The following CADM2 variants were observed in gnomAD, a reference collection of about 807,000 sequenced individuals.
The protein encoded by CADM2 is immunoglobulin superfamily member 4D.
Under a neutral mutation model 49.8 loss-of-function variants are expected in CADM2, and 12 were observed. The observed-to-expected ratio is 0.24, with a 90% CI of 0.15 to 0.39. CADM2 has a LOEUF of 0.39. CADM2 is among the 10% of genes least tolerant of loss of function. CADM2 has a pLI of 1.00. For synonymous variants in CADM2, 214 were observed against 175.4 expected, an observed-to-expected ratio of 1.22 and a Z score of -1.74; for missense variants, 378 against 492.3, an observed-to-expected ratio of 0.77 and a Z score of 2.20.
intron 7 of CADM2, among the ~76,000 whole-genome samples, chr3:85,952,916 A>G (rs752494562): frequency 1.3e-5 from 2 of 150,970 alleles, no homozygotes; most frequent in Non-Finnish European, 3.0e-5. Context: ...AAAAATCAAA[A>G]TAAGATAATT....
chr3:85,120,776 T>C (rs1337664047), intron 1 of CADM2, among the ~76,000 whole-genome samples: 2 of 151,920 alleles, frequency 1.3e-5, no homozygotes, highest in African/African-American at 4.8e-5. Context: ...TGTATACCTA[T>C]GTAACAAACC....
chr3:85,717,978 C>T (rs1301363335), intron 1 of CADM2, among the ~76,000 whole-genome samples: 1 of 152,126 alleles, frequency 6.6e-6, no homozygotes, highest in Non-Finnish European at 1.5e-5. Flanking sequence ...CCATGTTGGC[C>T]AGGCTGGTCT....
intron 1 of CADM2, among the ~76,000 whole-genome samples, chr3:85,306,440 A>G (rs1018780596): frequency 1.3e-5 from 2 of 151,756 alleles, no homozygotes; most frequent in Non-Finnish European, 3.0e-5. Context: ...ATTGAATAGT[A>G]TTAAGTTACA....
chr3:85,685,118 G>A (rs2066163183), intron 1 of CADM2, among the ~76,000 whole-genome samples: 1 of 152,092 alleles, frequency 6.6e-6, no homozygotes, highest in South Asian at 2.1e-4. Context: ...CGGGCTTGGT[G>A]GTGGGCACCT....
At chr3:85,371,675 GTGTATATATATATATATATATA>G (rs1268444629) in intron 1 of CADM2, among the ~76,000 whole-genome samples, 1 of 103,204 alleles carries the variant, frequency 9.7e-6, no homozygotes, top group Non-Finnish European at 1.9e-5. Context: ...GTGTGTGTGT[GTGTATATATATATATATATATA>G]TATATATATA....
chr3:85,756,186 C>G (rs528115348), intron 2 of CADM2, among the ~76,000 whole-genome samples: 2 of 151,984 alleles, frequency 1.3e-5, no homozygotes, highest in African/African-American at 4.8e-5. Flanking sequence ...TACACCACAG[C>G]ATAAAAAGAG....
intron 1 of CADM2, among the ~76,000 whole-genome samples, chr3:85,498,508 A>T (rs2039993051): frequency 6.6e-6 from 1 of 152,194 alleles, no homozygotes; most frequent in Admixed American, 6.5e-5. Flanking sequence ...TAAATTTGTG[A>T]ACTCGAGATT....
chr3:85,856,615 C>T (rs2075326758), intron 3 of CADM2, among the ~76,000 whole-genome samples: 1 of 152,002 alleles, frequency 6.6e-6, no homozygotes, highest in Non-Finnish European at 1.5e-5. Flanking sequence ...ATATATTATG[C>T]TTAATAATGA....
At chr3:86,021,712 A>C (rs1037440991) in intron 8 of CADM2, among the ~76,000 whole-genome samples, 1 of 152,226 alleles carries the variant, frequency 6.6e-6, no homozygotes, top group Non-Finnish European at 1.5e-5. Flanking sequence ...TGAGGGTTAA[A>C]TAATATTTGA....
At chr3:86,017,204 A>G (rs983497186) in intron 8 of CADM2, among the ~76,000 whole-genome samples, 5 of 149,612 alleles carry the variant, frequency 3.3e-5, no homozygotes, top group South Asian at 2.1e-4. Flanking sequence ...AATTTACACT[A>G]TATAGATATG....
intron 1 of CADM2, among the ~76,000 whole-genome samples, chr3:85,568,447 C>CTCTTTCTCTCTCTTTCTTTCTT (rs2062352375): frequency 2.8e-5 from 1 of 35,794 alleles, no homozygotes; most frequent in Non-Finnish European, 6.1e-5. Context: ...TTCTTTCTTT[C>CTCTTTCTCTCTCTTTCTTTCTT]TTTCTTTCTT....
intron 8 of CADM2, among the ~76,000 whole-genome samples, chr3:85,976,496 T>C (rs1212795640): frequency 6.6e-6 from 1 of 151,652 alleles, no homozygotes; most frequent in East Asian, 1.9e-4. Flanking sequence ...TAACTTTTAC[T>C]ATTTCACAAT....
At chr3:85,011,883 A>G (rs1005765620) in intron 1 of CADM2, among the ~76,000 whole-genome samples, 4 of 152,190 alleles carry the variant, frequency 2.6e-5, no homozygotes, top group Non-Finnish European at 5.9e-5. Context: ...AAAAATAAAT[A>G]AATAAAATAA....
intron 8 of CADM2, chr3:86,014,342 G>A (rs1029717245): frequency 7.2e-6 from 10 of 1,392,668 alleles, no homozygotes; most frequent in East Asian, 7.1e-5. Context: ...ATCTCCAGGG[G>A]CAAACCTCTG....
At chr3:85,264,008 T>G (rs2043068122) in intron 1 of CADM2, among the ~76,000 whole-genome samples, 1 of 152,128 alleles carries the variant, frequency 6.6e-6, no homozygotes, top group Non-Finnish European at 1.5e-5. Flanking sequence ...TTCTACTTTA[T>G]TCATAGGGAA....
intron 1 of CADM2, among the ~76,000 whole-genome samples, chr3:85,069,259 T>C (rs990410664): frequency 6.6e-6 from 1 of 152,118 alleles, no homozygotes; most frequent in South Asian, 2.1e-4. Flanking sequence ...ATTATAATTA[T>C]AGAATTATAA....
At chr3:85,628,590 T>TACATATATATACATATATAC (rs1457636119) in intron 1 of CADM2, among the ~76,000 whole-genome samples, 11 of 139,020 alleles carry the variant, frequency 7.9e-5, no homozygotes, top group South Asian at 4.5e-4. Context: ...CACATATATA[T>TACATATATATACATATATAC]ACATATATAC....
chr3:85,725,014 A>C (rs894401667), intron 1 of CADM2, among the ~76,000 whole-genome samples: 1 of 151,890 alleles, frequency 6.6e-6, no homozygotes, highest in Non-Finnish European at 1.5e-5. Context: ...ATTTTAAGTT[A>C]CTTTAAAAAA....
At chr3:85,146,761 A>C (rs2039755776) in intron 1 of CADM2, among the ~76,000 whole-genome samples, 1 of 152,218 alleles carries the variant, frequency 6.6e-6, no homozygotes, top group African/African-American at 2.4e-5. Flanking sequence ...TACAGTATAA[A>C]TAAGTGAATT....
Sources: gnomAD v4.1 joint callset for allele counts (sites outside exome capture counted in the v4.1 genomes callset) on GRCh38, gnomAD v4.1.1 for gene constraint, MANE v1.5 for transcripts, NCBI Gene and HGNC (gene_info 2026-07-23, HGNC 2026-07-21) for gene names.